STXBP6: variants seen among roughly 807,000 people sequenced by gnomAD.
STXBP6 encodes syntaxin binding protein 6.
In STXBP6, 21 loss-of-function variants were observed where a neutral mutation model predicts 26.9. The ratio of observed to expected loss-of-function variants is 0.78; its 90% CI spans 0.55 to 1.12. The LOEUF (loss-of-function observed/expected upper bound fraction) is 1.12. STXBP6 is among the 50% of genes most tolerant of loss of function. STXBP6 has a pLI of 0.00. For missense variants in STXBP6, 232 were observed against 257.9 expected, an observed-to-expected ratio of 0.90 and a Z score of 0.69; for synonymous variants, 97 against 92.6, an observed-to-expected ratio of 1.05 and a Z score of -0.27.
chr14:24,938,869 A>C (rs1445780148), intron 2 of STXBP6, among the ~76,000 whole-genome samples: 1 of 152,128 alleles, frequency 6.6e-6, no homozygotes, highest in Admixed American at 6.5e-5. Context: ...ACATGTATTC[A>C]ACTTGCTCTA....
chr14:24,980,292 A>C lies in STXBP6; in HGVS notation c.-32-5442T>G, dbSNP rs887915835. ...ATATGAGGCCAATTTAGCCCCTTTA[A>C]AAGTGTTTAAGAAAGAGTTACTGAT... On this transcript the variant is annotated intron_variant, in intron 1 of 5. Coordinates refer to ENST00000323944, the MANE Select transcript of STXBP6 (RefSeq NM_001394410.1). Among the ~76,000 whole-genome samples the C allele has an allele frequency of 1.4e-4, 22 of 152,202 alleles. 1 individual carries two copies. Among genetic ancestry groups the C allele is most frequent in the African/African-American group, 5.1e-4 (21 of 41,434 alleles).
chr14:24,963,993 A>T (rs1042366448), intron 2 of STXBP6, among the ~76,000 whole-genome samples: 7 of 150,796 alleles, frequency 4.6e-5, no homozygotes, highest in African/African-American at 1.7e-4. Flanking sequence ...AAAAAAAAAA[A>T]AGCCAAAACA....
chr14:24,819,885 C>T (rs1295032094), intron 4 of STXBP6, among the ~76,000 whole-genome samples: 1 of 152,120 alleles, frequency 6.6e-6, no homozygotes, highest in Non-Finnish European at 1.5e-5. Flanking sequence ...AGCCTCAGGA[C>T]CATACTTAAC....
At chr14:24,850,258 AAAGCCATT>A (rs1367531407) in intron 4 of STXBP6, among the ~76,000 whole-genome samples, 1 of 152,024 alleles carries the variant, frequency 6.6e-6, no homozygotes, top group East Asian at 1.9e-4. Context: ...AATCCAGAGT[AAAGCCATT>A]GGGTTTCCTT....
intron 2 of STXBP6, among the ~76,000 whole-genome samples, chr14:24,860,013 C>T (rs2069477663): frequency 6.6e-6 from 1 of 152,180 alleles, no homozygotes; most frequent in South Asian, 2.1e-4. Flanking sequence ...TGTAGACTTG[C>T]TACTACCTTT....
rs143253711 is a variant in STXBP6, at chr14:24,818,218, A to G, written c.609+819T>C. On this transcript the variant is annotated intron_variant, in intron 5 of 5. Transcript: ENST00000323944. ...ATTCAAACCACTAACCAGAAAAAAAACTGCCCTTTGATCTGAAGCACAACA... is the reference window on the plus strand; with the variant it reads ...ATTCAAACCACTAACCAGAAAAAAAGCTGCCCTTTGATCTGAAGCACAACA... 67 of 443,034 alleles carry G rather than the reference A, an allele frequency of 1.5e-4. 1 individual carries two copies. In the East Asian group the frequency reaches 4.4e-3, roughly 29 times the overall value. The allele number at this position is 443,034 out of a possible 1,614,324, so 27.4% of individuals were successfully genotyped here.
chr14:25,042,522 G>A (rs528370678), intron 1 of STXBP6, among the ~76,000 whole-genome samples: 4 of 152,284 alleles, frequency 2.6e-5, no homozygotes, highest in Non-Finnish European at 4.4e-5. Flanking sequence ...CTACCTGCTC[G>A]GTCTTACTCT....
At chr14:25,018,325 C>A (rs2075196597) in intron 1 of STXBP6, among the ~76,000 whole-genome samples, 1 of 152,180 alleles carries the variant, frequency 6.6e-6, no homozygotes, top group East Asian at 1.9e-4. Context: ...CTAGTTCCCA[C>A]AGAGTGATCT....
intron 1 of STXBP6, among the ~76,000 whole-genome samples, chr14:25,045,066 T>A (rs2075704734): frequency 1.3e-5 from 2 of 152,198 alleles, no homozygotes; most frequent in Admixed American, 1.3e-4. Flanking sequence ...TGTCCCTATA[T>A]TTTCGGGATA....
intron 1 of STXBP6, among the ~76,000 whole-genome samples, chr14:25,004,673 GTTTC>G (rs2074848269): frequency 6.6e-6 from 1 of 152,186 alleles, no homozygotes; most frequent in African/African-American, 2.4e-5. Context: ...CAGAGTCCAT[GTTTC>G]TTTCATTTCT....
chr14:24,991,027 A>G (rs954221463), intron 1 of STXBP6, among the ~76,000 whole-genome samples: 2 of 151,382 alleles, frequency 1.3e-5, no homozygotes, highest in African/African-American at 4.9e-5. Context: ...GAAAGAGAAG[A>G]GAGACAGAAG....
At chr14:24,978,695 T>C (rs2074112157) in intron 1 of STXBP6, among the ~76,000 whole-genome samples, 1 of 152,198 alleles carries the variant, frequency 6.6e-6, no homozygotes, top group South Asian at 2.1e-4. Context: ...CCCATAAGTG[T>C]TAGTTACAAA....
intron 1 of STXBP6, among the ~76,000 whole-genome samples, chr14:25,001,593 A>G (rs891801781): frequency 2.6e-5 from 4 of 152,094 alleles, no homozygotes; most frequent in African/African-American, 9.7e-5. Flanking sequence ...TAGAGTTTCA[A>G]TCTCTCTGCT....
chr14:24,844,565 A>T (rs1167916114), intron 4 of STXBP6, among the ~76,000 whole-genome samples: 2 of 152,174 alleles, frequency 1.3e-5, no homozygotes, highest in African/African-American at 2.4e-5. Flanking sequence ...TTGATGCTCC[A>T]GAGAATTGGA....
intron 1 of STXBP6, among the ~76,000 whole-genome samples, chr14:24,990,467 T>G (rs1448273814): frequency 6.6e-6 from 1 of 152,120 alleles, no homozygotes; most frequent in Non-Finnish European, 1.5e-5. Flanking sequence ...GAGACCAACC[T>G]GACTAACATG....
At chr14:24,989,433 A>G (rs2074411481) in intron 1 of STXBP6, among the ~76,000 whole-genome samples, 1 of 152,256 alleles carries the variant, frequency 6.6e-6, no homozygotes, top group Non-Finnish European at 1.5e-5. Flanking sequence ...ATTTGGGGGA[A>G]CTGAACTAAG....
intron 1 of STXBP6, among the ~76,000 whole-genome samples, chr14:25,016,885 G>T (rs1006197541): frequency 6.6e-6 from 1 of 152,158 alleles, no homozygotes; most frequent in Non-Finnish European, 1.5e-5. Context: ...GAACTAAAAG[G>T]AAAATTATAA....
chr14:24,942,321 T>C (rs575866994), intron 2 of STXBP6, among the ~76,000 whole-genome samples: 1 of 152,276 alleles, frequency 6.6e-6, no homozygotes, highest in African/African-American at 2.4e-5. Context: ...AGAACCATAT[T>C]TGAAAGCAGA....
chr14:24,850,994 A>T (rs2069130839), intron 4 of STXBP6, among the ~76,000 whole-genome samples: 1 of 152,178 alleles, frequency 6.6e-6, no homozygotes, highest in Non-Finnish European at 1.5e-5. Context: ...GTTCTAATAT[A>T]GAAATTGCCA....
Sources: allele counts gnomAD v4.1 joint callset (sites outside exome capture counted in the v4.1 genomes callset), GRCh38; gene constraint gnomAD v4.1.1; transcripts MANE v1.5; gene names NCBI Gene and HGNC (gene_info 2026-07-23, HGNC 2026-07-21).